IL1RAPL1: variants seen among roughly 807,000 people sequenced by gnomAD.
The protein encoded by IL1RAPL1 is interleukin 1 receptor accessory protein like 1.
Under a neutral mutation model 48.4 loss-of-function variants are expected in IL1RAPL1, and 3 were observed. The observed-to-expected ratio is 0.06, with a 90% CI of 0.03 to 0.16. The LOEUF (loss-of-function observed/expected upper bound fraction) is 0.16. Ranked by LOEUF, IL1RAPL1 falls within the 10% of genes least tolerant of loss-of-function variation. The pLI is 1.00. For missense variants in IL1RAPL1, 349 were observed against 530.6 expected (o/e 0.66, Z 3.36); for synonymous variants, 185 against 187.7 (o/e 0.99, Z 0.12).
chrX:28,606,674 G>A (rs1421347557), intron 1 of IL1RAPL1, among the ~76,000 whole-genome samples: 1 of 111,581 alleles, frequency 9.0e-6, no homozygotes, highest in African/African-American at 3.3e-5. Flanking sequence ...ACTATAAGAT[G>A]ATATTCTCTA....
intron 2 of IL1RAPL1, among the ~76,000 whole-genome samples, chrX:28,984,222 A>G (rs985490792): frequency 8.9e-6 from 1 of 111,822 alleles, no homozygotes; most frequent in East Asian, 2.8e-4. Context: ...TAAATTGTCT[A>G]TAAATTTTAT....
At chrX:29,885,500 C>T (rs144142204) in intron 6 of IL1RAPL1, among the ~76,000 whole-genome samples, 18 of 111,356 alleles carry the variant, frequency 1.6e-4, no homozygotes, top group Non-Finnish European at 3.2e-4. Flanking sequence ...ACTCAGTGAA[C>T]ATCAGAACTA....
chrX:29,247,023 A>G (rs1931526583), intron 2 of IL1RAPL1, among the ~76,000 whole-genome samples: 1 of 112,338 alleles, frequency 8.9e-6, no homozygotes, highest in Admixed American at 9.5e-5. Context: ...ATAGTTTGTT[A>G]GGGGAAACAG....
intron 6 of IL1RAPL1, among the ~76,000 whole-genome samples, chrX:29,901,545 T>C (rs1433516117): frequency 1.8e-5 from 2 of 112,029 alleles, no homozygotes; most frequent in Non-Finnish European, 3.8e-5. Flanking sequence ...TCCTCCTCCT[T>C]TCATTTTTCT....
intron 2 of IL1RAPL1, among the ~76,000 whole-genome samples, chrX:29,202,679 TA>T (rs768177891): frequency 8.9e-6 from 1 of 111,792 alleles, no homozygotes; most frequent in East Asian, 2.8e-4. Flanking sequence ...TATGCTGCCA[TA>T]AAAAAGAATG....
chrX:29,352,167 A>G (rs1602189362), intron 3 of IL1RAPL1, among the ~76,000 whole-genome samples: 2 of 111,930 alleles, frequency 1.8e-5, no homozygotes, highest in East Asian at 2.8e-4. Context: ...GATAACTCCA[A>G]TATTCATAGT....
chrX:28,599,304 G>C (rs973987764), intron 1 of IL1RAPL1, among the ~76,000 whole-genome samples: 8 of 109,731 alleles, frequency 7.3e-5, no homozygotes, highest in African/African-American at 2.7e-4. Flanking sequence ...TGTTCCTTGG[G>C]AGGGCTTCAG....
intron 6 of IL1RAPL1, among the ~76,000 whole-genome samples, chrX:29,712,094 CT>C (rs57292754): frequency 2.3e-3 from 229 of 99,441 alleles, no homozygotes; most frequent in African/African-American, 6.4e-3. Context: ...AAATTTTCTT[CT>C]TTTTTTTTTT....
chrX:29,112,536 C>T (rs56397294), intron 2 of IL1RAPL1, among the ~76,000 whole-genome samples: 24,538 of 105,843 alleles, frequency 0.23, 2,822 homozygotes, highest in African/African-American at 0.43. Context: ...GTCTATTCTT[C>T]CCCTACTGAA....
intron 5 of IL1RAPL1, among the ~76,000 whole-genome samples, chrX:29,414,653 C>A (rs1489898232): frequency 9.0e-6 from 1 of 111,238 alleles, no homozygotes; most frequent in Admixed American, 9.6e-5. Context: ...CCCAAGAGGT[C>A]CAGGCTATGG....
At chrX:29,550,134 A>G (rs1348155988) in intron 5 of IL1RAPL1, among the ~76,000 whole-genome samples, 1 of 112,254 alleles carries the variant, frequency 8.9e-6, no homozygotes, top group Non-Finnish European at 1.9e-5. Context: ...TTTTAATGTA[A>G]TACATTTTAG....
intron 6 of IL1RAPL1, among the ~76,000 whole-genome samples, chrX:29,747,937 A>G (rs1928372279): frequency 9.0e-6 from 1 of 111,623 alleles, no homozygotes; most frequent in Non-Finnish European, 1.9e-5. Flanking sequence ...TTCTCCCCCA[A>G]TCTTAAAGAG....
At chrX:29,623,106 TA>T (rs752740069) in intron 5 of IL1RAPL1, among the ~76,000 whole-genome samples, 10,589 of 78,498 alleles carry the variant, frequency 0.13, 700 homozygotes, top group Middle Eastern at 0.28. Flanking sequence ...CTGTCTCCAC[TA>T]AAAAAAAAAA....
At chrX:28,659,212 A>G in intron 1 of IL1RAPL1, 3 of 756,836 alleles carry the variant, frequency 4.0e-6, no homozygotes, top group Non-Finnish European at 6.0e-6. Flanking sequence ...CGATAGCTGC[A>G]CTCTGGAAGC....
intron 5 of IL1RAPL1, among the ~76,000 whole-genome samples, chrX:29,610,265 T>C (rs1924045703): frequency 8.9e-6 from 1 of 111,836 alleles, no homozygotes; most frequent in African/African-American, 3.3e-5. Context: ...TTAGTTCCAG[T>C]AGAAAGACTA....
intron 5 of IL1RAPL1, among the ~76,000 whole-genome samples, chrX:29,434,967 CTG>C (rs1934465557): frequency 9.0e-6 from 1 of 110,986 alleles, no homozygotes; most frequent in Middle Eastern, 4.2e-3. Flanking sequence ...CCTTTGAATT[CTG>C]CCTCTTCTAC....
intron 3 of IL1RAPL1, among the ~76,000 whole-genome samples, chrX:29,380,673 T>C (rs934281574): frequency 2.7e-5 from 3 of 112,522 alleles, no homozygotes; most frequent in African/African-American, 9.7e-5. Flanking sequence ...TAAAAATAAA[T>C]GCAATATTTA....
intron 1 of IL1RAPL1, among the ~76,000 whole-genome samples, chrX:28,785,877 C>T (rs1260716764): frequency 8.9e-6 from 1 of 112,274 alleles, no homozygotes; most frequent in Admixed American, 9.5e-5. Flanking sequence ...AGCAAAACAT[C>T]TTGTAACTAG....
At chrX:29,454,921 A>G (rs1934721373) in intron 5 of IL1RAPL1, among the ~76,000 whole-genome samples, 1 of 110,718 alleles carries the variant, frequency 9.0e-6, no homozygotes, top group South Asian at 3.8e-4. Context: ...AGAAAGCAGG[A>G]AAGAGTGGGT....
Sources: gnomAD v4.1 joint callset for allele counts (sites outside exome capture counted in the v4.1 genomes callset) on GRCh38, gnomAD v4.1.1 for gene constraint, MANE v1.5 for transcripts, NCBI Gene and HGNC (gene_info 2026-07-23, HGNC 2026-07-21) for gene names.